ZNF583: variants seen among roughly 807,000 people sequenced by gnomAD.
ZNF583 encodes zinc finger protein L3-5.
A neutral mutation model predicts 55.3 loss-of-function variants in ZNF583; 30 were observed. The ratio of observed to expected loss-of-function variants is 0.54; its 90% CI spans 0.41 to 0.74. The LOEUF (loss-of-function observed/expected upper bound fraction) is 0.74. Among genes scored for constraint, ZNF583 ranks in the 30% least tolerant of loss-of-function variants. The probability of loss-of-function intolerance (pLI) is 0.00; values close to 1 mark genes in which losing one functional copy is unlikely to be tolerated. For missense variants in ZNF583, 504 were observed against 664.7 expected, an observed-to-expected ratio of 0.76 and a Z score of 2.66; for synonymous variants, 208 against 220.0, an observed-to-expected ratio of 0.95 and a Z score of 0.48.
At chr19:56,421,317 T>G (rs1005038035) in intron 4 of ZNF583, 1 of 276,216 alleles carries the variant, frequency 3.6e-6, no homozygotes, top group African/African-American at 2.3e-5. Context: ...CTTATTATAG[T>G]TTTATCAACT....
At chr19:56,417,379 C>T (rs1396313109) in intron 4 of ZNF583, among the ~76,000 whole-genome samples, 1 of 152,124 alleles carries the variant, frequency 6.6e-6, no homozygotes, top group Non-Finnish European at 1.5e-5. Flanking sequence ...TTTAGTCATT[C>T]TAAAGGTTGT....
Position 56,406,886 on chromosome 19 carries a change from A to G in ZNF583, c.-89-140A>G, listed in dbSNP as rs1160578413. ...GAAAAAGAATTGTAAATTTAGATAT[A>G]AATGAATTGCTCAGTGATACCTCTA... is the stretch of plus-strand genomic sequence containing the variant. On this transcript the variant is annotated intron_variant, in intron 1 of 4. Transcript: ENST00000333201. 6.1e-6 allele frequency: 3 copies of G among 495,724 alleles called. No homozygotes were observed. The East Asian group carries it at 9.6e-5, about 16-fold the overall frequency. 30.7% of individuals were successfully genotyped at this position (495,724 alleles called of 1,614,324 possible).
upstream of ZNF583, chr19:56,404,323 G>C (rs1364542601): frequency 6.6e-6 from 1 of 152,246 alleles, no homozygotes; most frequent in Admixed American, 6.5e-5. The surrounding 1 kb of genome is among the most constrained non-coding windows in gnomAD (Gnocchi z 5.2). Flanking sequence ...GGCCCCTGCG[G>C]CCTGCCCTAG....
chr19:56,411,581 T>TC (rs1267916244), intron 2 of ZNF583, among the ~76,000 whole-genome samples: 1 of 152,258 alleles, frequency 6.6e-6, no homozygotes, highest in Non-Finnish European at 1.5e-5. Context: ...TGGAACACTT[T>TC]CCCGCACAAA....
chr19:56,411,012 C>G (rs2042229927), intron 2 of ZNF583, among the ~76,000 whole-genome samples: 1 of 151,780 alleles, frequency 6.6e-6, no homozygotes, highest in Admixed American at 6.6e-5. Flanking sequence ...AGGTGGCTCA[C>G]CCCTGTAATC....
intron 2 of ZNF583, among the ~76,000 whole-genome samples, chr19:56,408,405 T>G (rs2042187896): frequency 6.6e-6 from 1 of 152,210 alleles, no homozygotes; most frequent in Non-Finnish European, 1.5e-5. Context: ...TACAAAGACT[T>G]GTATATACTA....
At chr19:56,407,201 A>C in intron 2 of ZNF583, 78 bp downstream of exon 2, 1 of 1,547,686 alleles carries the variant, frequency 6.5e-7, no homozygotes, top group Non-Finnish European at 8.9e-7. Flanking sequence ...TTTTTCTTCC[A>C]AAATTCTGCA....
At position 56,422,898 on chromosome 19, in the gene ZNF583, G is replaced by A. The variant is rs1254805126; in HGVS notation, c.240G>A (p.Glu80=). 6.3e-7 allele frequency: 1 copy of A among 1,595,826 alleles called. No homozygotes were observed. Among genetic ancestry groups the A allele is most frequent in the African/African-American group, 1.3e-5 (1 of 74,156 alleles). Residue 80 remains glutamate, a synonymous_variant, in exon 5 of 5, where the codon GAG becomes GAA. Transcript: ENST00000333201. ...TTTCTTGATATCTTTTAGATTGGGA[G>A]TATGTATTTAAAAACAGTGAATTTT... ...EGTRGPCPDW[E]YVFKNSEFSS... is the part of the protein sequence containing the mutation.
In ZNF583 at chr19:56,422,958, A is replaced by G; in HGVS notation, c.300A>G (p.Lys100=). The part of the protein sequence containing the change: ...SKQETYEESS[K]VVTVGARHLS... ...AAGAGACATATGAAGAATCATCCAA[A>G]GTTGTGACAGTGGGAGCAAGACATC... Residue 100 remains lysine (K), a synonymous_variant, in exon 5 of 5, where the codon AAA becomes AAG. Transcript: ENST00000333201. 1 of 1,613,696 alleles carries G rather than the reference A, an allele frequency of 6.2e-7. No homozygotes were observed. Among genetic ancestry groups the G allele is most frequent in the Non-Finnish European group, 8.5e-7 (1 of 1,179,792 alleles).
At chr19:56,407,442 T>A (rs2042172557) in intron 2 of ZNF583, among the ~76,000 whole-genome samples, 1 of 152,182 alleles carries the variant, frequency 6.6e-6, no homozygotes, top group Non-Finnish European at 1.5e-5. Context: ...GAGACTGAGG[T>A]GTATGTTCAG....
intron 4 of ZNF583, among the ~76,000 whole-genome samples, chr19:56,418,160 C>A (rs867316864): frequency 3.3e-5 from 5 of 152,126 alleles, no homozygotes; most frequent in African/African-American, 1.2e-4. Flanking sequence ...AATTTCTGCT[C>A]AAAAAACTTA....
chr19:56,415,967 G>C (rs1287828888), intron 4 of ZNF583, among the ~76,000 whole-genome samples: 2 of 152,148 alleles, frequency 1.3e-5, no homozygotes, highest in African/African-American at 4.8e-5. Flanking sequence ...TCTACAATTA[G>C]TTTTCTTTTA....
intron 2 of ZNF583, among the ~76,000 whole-genome samples, chr19:56,408,273 G>GGT (rs1352229055): frequency 6.6e-6 from 1 of 152,104 alleles, no homozygotes; most frequent in Non-Finnish European, 1.5e-5. Flanking sequence ...GAAAGAGTAA[G>GGT]GTGAGGCAGA....
chr19:56,407,268 A>G, intron 2 of ZNF583, 145 bp downstream of exon 2: 1 of 895,662 alleles, frequency 1.1e-6, no homozygotes, highest in South Asian at 1.6e-5. Flanking sequence ...CTTTCCAGTA[A>G]AAGTCTCCAA....
rs776035226 is a variant in ZNF583 at position 56,424,065 on chromosome 19, TAGGAA to T, written c.1409_1413del (p.Arg470AsnfsTer3). ...AAAAACCCTATATGTGTAAGGAATG[TAGGAA>T]AACATTTAGCCAGAATGCAGGCCTT... On this transcript the variant is annotated frameshift_variant, in exon 5 of 5. Transcript: ENST00000333201. LOFTEE classifies it high-confidence loss of function. 6.2e-7 allele frequency: 1 copy of T among 1,614,014 alleles called. No homozygotes were observed. Among genetic ancestry groups the T allele is most frequent in the Non-Finnish European group, 8.5e-7 (1 of 1,179,970 alleles).
At chr19:56,406,530 C>CTT (rs34274240) in intron 1 of ZNF583, among the ~76,000 whole-genome samples, 4,014 of 115,180 alleles carry the variant, frequency 0.035, 204 homozygotes, top group Non-Finnish European at 0.047. Flanking sequence ...ATGTTGTATT[C>CTT]TTTTTTTTTT....
At chr19:56,421,788 T>C (rs2042420077) in intron 4 of ZNF583, among the ~76,000 whole-genome samples, 1 of 152,146 alleles carries the variant, frequency 6.6e-6, no homozygotes, top group South Asian at 2.1e-4. Flanking sequence ...CACATGAATG[T>C]TTACATTCTA....
rs1328243197 is a variant in ZNF583 at position 56,423,248 on chromosome 19, C to G, written c.590C>G (p.Ser197Cys). ...CAAAAGAAAAGTTACCGAAAAAAAT[C>G]TGTTGAAATGAAACATAGGAAAGTC... ...EPQKKSYRKK[S>C]VEMKHRKVYV... is the part of the protein sequence containing the mutation. Residue 197 changes from serine (S) to cysteine (C), a missense_variant, in exon 5 of 5, where the codon TCT (serine) becomes TGT (cysteine). Ser to Cys is a moderately radical substitution (Grantham distance 112, BLOSUM62 -1). This residue lies in a region of ZNF583 where 204 missense variants were observed against 235.2 expected (regional missense o/e 0.87). Coordinates refer to ENST00000333201, the MANE Select transcript of ZNF583 (RefSeq NM_152478.3). 4 of 1,611,312 alleles carry G rather than the reference C, an allele frequency of 2.5e-6. No individual in the cohort carries two copies. Among genetic ancestry groups the G allele is most frequent in the African/African-American group, 1.3e-5 (1 of 74,708 alleles).
At chr19:56,408,574 T>G (rs1423190083) in intron 2 of ZNF583, among the ~76,000 whole-genome samples, 2 of 152,092 alleles carry the variant, frequency 1.3e-5, no homozygotes, top group Non-Finnish European at 2.9e-5. Flanking sequence ...ATTCTACAGA[T>G]GAAGAAAAAG....
Sources: allele counts gnomAD v4.1 joint callset (sites outside exome capture counted in the v4.1 genomes callset), GRCh38; gene constraint gnomAD v4.1.1; regional missense constraint gnomAD v4.1.1; non-coding constraint Gnocchi (gnomAD v3.1); transcripts MANE v1.5; gene names NCBI Gene and HGNC (gene_info 2026-07-23, HGNC 2026-07-21).